THRAP3: variants seen among roughly 807,000 people sequenced by gnomAD.
THRAP3 encodes thyroid hormone receptor associated protein 3.
In THRAP3, 16 loss-of-function variants were observed where a neutral mutation model predicts 101.0. The ratio of observed to expected loss-of-function variants is 0.16; its 90% confidence interval spans 0.11 to 0.24. THRAP3 has a LOEUF of 0.24. Ranked by LOEUF, THRAP3 falls within the 10% of genes least tolerant of loss-of-function variation. The pLI is 1.00. For synonymous variants in THRAP3, 407 were observed against 422.6 expected (o/e 0.96, Z 0.45); for missense variants, 989 against 1,202.7 (o/e 0.82, Z 2.63).
chr1:36,248,151 A>G (rs993724675), intron 1 of THRAP3, among the ~76,000 whole-genome samples: 9 of 152,078 alleles, frequency 5.9e-5, no homozygotes, highest in Non-Finnish European at 1.3e-4. Context: ...AAGTGCTGGG[A>G]TTACAGGCAT....
intron 11 of THRAP3, among the ~76,000 whole-genome samples, chr1:36,302,686 G>A (rs1646044234): frequency 6.6e-6 from 1 of 152,140 alleles, no homozygotes; most frequent in African/African-American, 2.4e-5. Flanking sequence ...CTTTTGTGGG[G>A]GGGTGGTTTA....
intron 2 of THRAP3, among the ~76,000 whole-genome samples, chr1:36,266,335 AAACAACAAC>A (rs532212903): frequency 3.3e-5 from 5 of 152,022 alleles, no homozygotes; most frequent in African/African-American, 9.7e-5. Flanking sequence ...CAAAAATGAC[AAACAACAAC>A]AACAACAAAC....
At chr1:36,229,344 C>T (rs7530763) in intron 1 of THRAP3, among the ~76,000 whole-genome samples, 4 of 151,024 alleles carry the variant, frequency 2.6e-5, no homozygotes, top group Admixed American at 2.0e-4. Context: ...GATCTGCCCG[C>T]CTCAGCCTCC....
chr1:36,304,168 C>G lies in THRAP3; in HGVS notation c.*151C>G. 1 of 1,227,868 alleles carries G rather than the reference C, an allele frequency of 8.1e-7. No individual in the cohort carries two copies. The highest frequency in any genetic ancestry group is 1.1e-6 in the Non-Finnish European group (1 of 916,976). The allele number at this position is 1,227,868 out of a possible 1,614,324, so 76.1% of individuals were successfully genotyped here. ...AGATTGTACTACCGCGAGAGGCATC[C>G]CTGGCGCTGTCTCCCACTGGACAGA... is the stretch of plus-strand genomic sequence containing the variant. On this transcript the variant is annotated 3_prime_UTR_variant, in exon 12 of 12. Coordinates refer to ENST00000354618, the MANE Select transcript of THRAP3 (RefSeq NM_005119.4).
At chr1:36,274,076 TCA>T (rs763330875) in intron 2 of THRAP3, among the ~76,000 whole-genome samples, 97 of 44,774 alleles carry the variant, frequency 2.2e-3, no homozygotes, top group African/African-American at 4.3e-3. Context: ...TGTGTGTGTG[TCA>T]CACACACACA....
chr1:36,221,321 G>A (rs1309684944), upstream of THRAP3, among the ~76,000 whole-genome samples: 3 of 151,638 alleles, frequency 2.0e-5, no homozygotes, highest in African/African-American at 7.3e-5. Flanking sequence ...AAGTTCTGCT[G>A]TTAAAATGCT....
chr1:36,287,992 C>A (rs1408186064), intron 4 of THRAP3: 1 of 958,418 alleles, frequency 1.0e-6, no homozygotes, highest in East Asian at 1.2e-4. Flanking sequence ...CAAGTGGCTC[C>A]CCCTTTTTTT....
rs2124607690 is a variant in THRAP3 at position 36,289,488 on chromosome 1, TGGA to T, written c.1477_1479del (p.Glu493del). 6.2e-7 allele frequency: 1 copy of T among 1,614,026 alleles called. No individual in the cohort carries two copies. The highest frequency in any genetic ancestry group is 1.1e-5 in the South Asian group (1 of 91,080). ...GAAAAGCAGAGAAAAACAGAGGAGC[TGGA>T]GGAGGAGTCTTTCCCAGAGAGATCC... On this transcript the variant is annotated inframe_deletion, in exon 5 of 12. Coordinates refer to ENST00000354618, the MANE Select transcript of THRAP3 (RefSeq NM_005119.4).
At chr1:36,218,330 C>G in the THRAP3 span, among the ~76,000 whole-genome samples, 1 of 147,638 alleles carries the variant, frequency 6.8e-6, no homozygotes, top group African/African-American at 2.5e-5. Flanking sequence ...GATTGCATCA[C>G]GCAGTGAGCA....
In THRAP3 at chr1:36,286,854, A is replaced by C. The variant is rs767958617; in HGVS notation, c.624A>C (p.Gly208=). 6.2e-7 allele frequency: 1 copy of C among 1,614,130 alleles called. No individual in the cohort carries two copies. The highest frequency in any genetic ancestry group is 1.7e-5 in the Admixed American group (1 of 60,022). ...GDEAKEQTFS[G]GTSQDTKASE... ...AGGCCAAGGAGCAGACATTCTCTGG[A>C]GGCACCTCTCAAGATACAAAAGCAT... is the stretch of plus-strand genomic sequence containing the variant. Residue 208 remains glycine, a synonymous_variant, in exon 4 of 12, where the codon GGA becomes GGC. Transcript: ENST00000354618. This position sits in a 1 kb window ranked among gnomAD's most constrained non-coding sequence, Gnocchi z 5.5.
the THRAP3 span, among the ~76,000 whole-genome samples, chr1:36,214,070 ACTC>A: frequency 5.3e-5 from 8 of 151,284 alleles, no homozygotes; most frequent in Admixed American, 1.3e-4. Context: ...AAGAAAGACA[ACTC>A]CTAACAGAAA....
At position 36,229,307 on chromosome 1, in the gene THRAP3, A is replaced by C. The variant is rs550772575; in HGVS notation, c.-135+4802A>C. Among the ~76,000 whole-genome samples the C allele has an allele frequency of 2.7e-4, 41 of 151,820 alleles. No homozygotes were observed. In the South Asian group the frequency reaches 8.1e-3, roughly 30 times the overall value. Reference sequence around the variant, plus strand: ...GAGACGGGGTTTCACCGTGTTAGCCAAGATGGTCTCCATCTCCTGACCTCG... The same window carrying C: ...GAGACGGGGTTTCACCGTGTTAGCCCAGATGGTCTCCATCTCCTGACCTCG... On this transcript the variant is annotated intron_variant, in intron 1 of 11. Transcript: ENST00000354618.
chr1:36,291,864 T>C (rs1481049755), intron 6 of THRAP3, among the ~76,000 whole-genome samples: 4 of 152,220 alleles, frequency 2.6e-5, no homozygotes, highest in Non-Finnish European at 5.9e-5. Context: ...CTCTAAGTGA[T>C]CTCTTATGGA....
At chr1:36,303,679 AG>A in intron 11 of THRAP3, 116 bp from the exon 12 acceptor site, 1 of 1,490,338 alleles carries the variant, frequency 6.7e-7, no homozygotes, top group South Asian at 1.3e-5. Context: ...AAGGATCAAA[AG>A]GCTGGGTTAG....
chr1:36,252,671 G>A (rs1020478514), intron 1 of THRAP3, among the ~76,000 whole-genome samples: 1 of 151,802 alleles, frequency 6.6e-6, no homozygotes, highest in Non-Finnish European at 1.5e-5. Flanking sequence ...GCTTTGGGAG[G>A]CTGAGGCGGG....
chr1:36,303,346 C>T (rs1421079594), intron 11 of THRAP3, among the ~76,000 whole-genome samples: 1 of 151,964 alleles, frequency 6.6e-6, no homozygotes, highest in Non-Finnish European at 1.5e-5. Flanking sequence ...CTCAAACCCA[C>T]CCTTTGAGAG....
chr1:36,290,397 G>A (rs1430876269), intron 5 of THRAP3, among the ~76,000 whole-genome samples: 1 of 152,080 alleles, frequency 6.6e-6, no homozygotes, highest in Non-Finnish European at 1.5e-5. Context: ...CACCGTGTTA[G>A]CCAGGATGGT....
In THRAP3 at chr1:36,287,838, A is replaced by G. The variant is rs148573810; in HGVS notation, c.1040+568A>G. The G allele has an allele frequency of 1.7e-3, 1,703 of 985,428 alleles. 2 individuals are homozygous for G. The highest frequency in any genetic ancestry group is 2.1e-3 in the Middle Eastern group (4 of 1,914). The allele number at this position is 985,428 out of a possible 1,614,324, so 61.0% of individuals were successfully genotyped here. A position where few individuals can be genotyped will look rare whatever the true frequency, so the allele number is the denominator to read the frequency against. On this transcript the variant is annotated intron_variant, in intron 4 of 11. Transcript: ENST00000354618. ...CGGCTGCGTGTTAGGAGAGGACATG[A>G]CAGTGCTTCCGTCTTTCTCCCCTGG... is the stretch of plus-strand genomic sequence containing the variant.
At chr1:36,238,319 G>A (rs1414255540) in intron 1 of THRAP3, among the ~76,000 whole-genome samples, 3 of 152,152 alleles carry the variant, frequency 2.0e-5, no homozygotes, top group African/African-American at 7.2e-5. Context: ...TGATTTTTCT[G>A]TTTGTGGGAA....
Sources: gnomAD v4.1 joint callset for allele counts (sites outside exome capture counted in the v4.1 genomes callset) on GRCh38, gnomAD v4.1.1 for gene constraint, Gnocchi (gnomAD v3.1) non-coding constraint, MANE v1.5 for transcripts, NCBI Gene and HGNC (gene_info 2026-07-23, HGNC 2026-07-21) for gene names.